The following RGS12 variants were observed in gnomAD, a reference collection of about 807,000 sequenced individuals.
RGS12 encodes regulator of G-protein signaling 12.
In RGS12, 66 loss-of-function variants were observed where a neutral mutation model predicts 120.1. That is an observed-to-expected ratio of 0.55 (90% CI 0.45 to 0.67). The LOEUF (loss-of-function observed/expected upper bound fraction) is 0.67, where lower values mean the gene tolerates loss of function less well. RGS12 is among the 30% of genes least tolerant of loss of function. The probability of loss-of-function intolerance (pLI) is 0.00; values close to 1 mark genes in which losing one functional copy is unlikely to be tolerated. For missense variants in RGS12, 1,859 were observed against 1,957.7 expected, an observed-to-expected ratio of 0.95 and a Z score of 0.95; for synonymous variants, 827 against 804.7, an observed-to-expected ratio of 1.03 and a Z score of -0.47.
chr4:3,361,060 G>A (rs552354873), intron 3 of RGS12, among the ~76,000 whole-genome samples: 1 of 152,360 alleles, frequency 6.6e-6, no homozygotes, highest in African/African-American at 2.4e-5. Flanking sequence ...GATAGCCTGT[G>A]ATTTATTCTT....
At chr4:3,376,264 ACACACACACACACAC>A (rs1388567368) in intron 3 of RGS12, among the ~76,000 whole-genome samples, 2 of 81,790 alleles carry the variant, frequency 2.4e-5, no homozygotes, top group African/African-American at 7.2e-5. Flanking sequence ...ACACACACAC[ACACACACACACACAC>A]ACACACACAC....
chr4:3,317,623 CCA>C lies in RGS12; in HGVS notation c.1454_1455del (p.Pro485LeufsTer2). 6.3e-7 allele frequency: 1 copy of C among 1,586,972 alleles called. No homozygotes were observed. Among genetic ancestry groups the C allele is most frequent in the Non-Finnish European group, 8.6e-7 (1 of 1,164,938 alleles). Reference sequence around the variant, plus strand: ...CTGTCCGGACCCCGAAGGGAGCCCCCCATTTGAGGCCGCTCATCAGACTGACA... The same window carrying C: ...CTGTCCGGACCCCGAAGGGAGCCCCCTTTGAGGCCGCTCATCAGACTGACA... ...PFCPDPEGSP[P>X]FEAAHQTDRF... On this transcript the variant is annotated frameshift_variant, in exon 2 of 18. Transcript: ENST00000336727. LOFTEE classifies it high-confidence loss of function.
chr4:3,298,520 T>C (rs1578669155), intron 1 of RGS12, among the ~76,000 whole-genome samples: 1 of 152,308 alleles, frequency 6.6e-6, no homozygotes, highest in East Asian at 1.9e-4. Flanking sequence ...CTGGCAATTT[T>C]TACTTTTCAT....
intron 15 of RGS12, 50 bp downstream of exon 15, chr4:3,428,219 C>A: frequency 6.7e-7 from 1 of 1,494,520 alleles, no homozygotes; most frequent in Non-Finnish European, 9.3e-7. Flanking sequence ...TCGCTGTGGC[C>A]CCCGCCTGCC....
chr4:3,434,787 G>C (rs1232309607), intron 17 of RGS12, among the ~76,000 whole-genome samples: 1 of 152,226 alleles, frequency 6.6e-6, no homozygotes, highest in African/African-American at 2.4e-5. Context: ...TTCTTAACCA[G>C]ATCTGCTTCG....
intron 2 of RGS12, among the ~76,000 whole-genome samples, chr4:3,334,848 T>G (rs937504978): frequency 1.1e-4 from 16 of 152,140 alleles, no homozygotes; most frequent in African/African-American, 3.9e-4. Context: ...CAGATGCGGG[T>G]CACTGATGTG....
chr4:3,334,703 T>G (rs1712256347), intron 2 of RGS12, among the ~76,000 whole-genome samples: 1 of 152,210 alleles, frequency 6.6e-6, no homozygotes. Context: ...AAAGCCTGTT[T>G]TGTCTATTAT....
chr4:3,286,889 C>T, the RGS12 span, among the ~76,000 whole-genome samples: 18 of 152,328 alleles, frequency 1.2e-4, no homozygotes, highest in East Asian at 3.9e-4. Context: ...CTGCGGGAGC[C>T]GACGCTGCTC....
Position 3,428,083 on chromosome 4 carries a change from T to C in RGS12, c.3332-7T>C, listed in dbSNP as rs767384964. 7.4e-6 allele frequency: 12 copies of C among 1,612,772 alleles called. No homozygotes were observed. Among genetic ancestry groups the C allele is most frequent in the Admixed American group, 1.7e-5 (1 of 60,006 alleles). ...TCCCTGAAGTCATAAAGCTTTCTTA[T>C]GTTTAGCATCCGCAGATAAACAGAA... On this transcript the variant is annotated splice_polypyrimidine_tract_variant and splice_region_variant and intron_variant, in intron 14 of 17. Transcript: ENST00000336727.
intron 2 of RGS12, among the ~76,000 whole-genome samples, chr4:3,334,390 TATG>T (rs933475666): frequency 6.6e-6 from 1 of 152,244 alleles, no homozygotes; most frequent in African/African-American, 2.4e-5. Flanking sequence ...AAACCTAACT[TATG>T]ATCATTTTTT....
chr4:3,424,981 A>G (rs115721321), intron 13 of RGS12, among the ~76,000 whole-genome samples: 228 of 152,336 alleles, frequency 1.5e-3, no homozygotes, highest in African/African-American at 5.1e-3. Flanking sequence ...AACAGTGACT[A>G]TGGCAGGTGA....
At chr4:3,353,809 G>A (rs1007522575) in intron 3 of RGS12, among the ~76,000 whole-genome samples, 2 of 152,076 alleles carry the variant, frequency 1.3e-5, no homozygotes, top group East Asian at 1.9e-4. Flanking sequence ...GCTTCCATAC[G>A]CCCCCTCTTT....
chr4:3,423,117 G>T, intron 12 of RGS12, 139 bp downstream of exon 12: 1 of 580,190 alleles, frequency 1.7e-6, no homozygotes, highest in Admixed American at 2.5e-5. Context: ...GGCGGGGGGA[G>T]GGTGGAGGCC....
At chr4:3,294,504 G>A (rs1442031829) in intron 1 of RGS12, among the ~76,000 whole-genome samples, 1 of 152,236 alleles carries the variant, frequency 6.6e-6, no homozygotes, top group African/African-American at 2.4e-5. Context: ...ATATAAAAAG[G>A]TCCATCGTGG....
At chr4:3,420,130 T>C (rs920066879) in intron 9 of RGS12, among the ~76,000 whole-genome samples, 1 of 152,228 alleles carries the variant, frequency 6.6e-6, no homozygotes, top group African/African-American at 2.4e-5. Flanking sequence ...TTACGGTTCA[T>C]GTCAGGACGT....
chr4:3,395,764 T>C (rs1182746747), intron 4 of RGS12, among the ~76,000 whole-genome samples: 1 of 152,224 alleles, frequency 6.6e-6, no homozygotes, highest in Admixed American at 6.5e-5. Context: ...TTCTGTTAGG[T>C]TATCTGCCTT....
At chr4:3,308,266 G>A (rs1286227157) in intron 1 of RGS12, among the ~76,000 whole-genome samples, 2 of 152,234 alleles carry the variant, frequency 1.3e-5, no homozygotes. Flanking sequence ...TGAACAGAAA[G>A]AAACACATGT....
intron 1 of RGS12, among the ~76,000 whole-genome samples, chr4:3,297,547 G>T (rs1483607058): frequency 1.3e-5 from 2 of 152,214 alleles, no homozygotes; most frequent in Non-Finnish European, 2.9e-5. Context: ...GACAGTCCTT[G>T]CTCTTGTGTG....
chr4:3,300,019 G>A (rs1340771207), intron 1 of RGS12, among the ~76,000 whole-genome samples: 3 of 152,206 alleles, frequency 2.0e-5, no homozygotes, highest in Non-Finnish European at 4.4e-5. Flanking sequence ...ACTCTGTGCT[G>A]CAGTTTGTCT....
Sources: gnomAD v4.1 joint callset for allele counts (sites outside exome capture counted in the v4.1 genomes callset) on GRCh38, gnomAD v4.1.1 for gene constraint, MANE v1.5 for transcripts, NCBI Gene and HGNC (gene_info 2026-07-23, HGNC 2026-07-21) for gene names.